The following TNRC6B variants were observed in gnomAD, a reference collection of about 807,000 sequenced individuals.
TNRC6B encodes the protein trinucleotide repeat-containing gene 6B protein.
A neutral mutation model predicts 203.6 loss-of-function variants in TNRC6B; 52 were observed. That is an observed-to-expected ratio of 0.26 (90% CI 0.20 to 0.32). TNRC6B has a LOEUF of 0.32. Ranked by LOEUF, TNRC6B falls within the 10% of genes least tolerant of loss-of-function variation. The pLI is 1.00. For synonymous variants in TNRC6B, 838 were observed against 845.7 expected (o/e 0.99, Z 0.16); for missense variants, 1,923 against 2,286.2 (o/e 0.84, Z 3.24).
At chr22:40,054,889 T>C (rs887689878) in intron 1 of TNRC6B, among the ~76,000 whole-genome samples, 1 of 150,724 alleles carries the variant, frequency 6.6e-6, no homozygotes, top group Admixed American at 6.6e-5. Context: ...AAAAAAAAAT[T>C]AGCTGGTTGT....
chr22:40,233,327 GA>G (rs572778632), intron 1 of TNRC6B, among the ~76,000 whole-genome samples: 1 of 142,032 alleles, frequency 7.0e-6, no homozygotes, highest in East Asian at 2.2e-4. Flanking sequence ...TCACAAAAAA[GA>G]AAAAAAAATT....
Position 40,271,851 on chromosome 22 carries a change from A to G in TNRC6B, c.2965+1571A>G, listed in dbSNP as rs188795580. 3.6e-4 allele frequency among the ~76,000 whole-genome samples: 55 copies of G among 152,338 alleles called. No individual in the cohort carries two copies. In the East Asian group the frequency reaches 8.7e-3, roughly 24 times the overall value. On this transcript the variant is annotated intron_variant, in intron 6 of 22. Coordinates refer to ENST00000454349, the MANE Select transcript of TNRC6B (RefSeq NM_001162501.2). ...AATGTGCGGAAGAAAGGGCTAAACC[A>G]TCATAGTCTACCAGTTGATGGAGAC...
At chr22:40,046,136 G>T (rs968677961) in intron 1 of TNRC6B, among the ~76,000 whole-genome samples, 6 of 152,220 alleles carry the variant, frequency 3.9e-5, no homozygotes, top group African/African-American at 1.2e-4. Flanking sequence ...TTAGCATTTT[G>T]TGAAAGTTTA....
At chr22:40,148,922 C>T (rs1043232244) in intron 3 of TNRC6B, among the ~76,000 whole-genome samples, 5 of 152,088 alleles carry the variant, frequency 3.3e-5, no homozygotes, top group Admixed American at 3.3e-4. Context: ...GGGAACCAAC[C>T]CTGCCAATAC....
At chr22:40,237,104 G>A (rs2069958423) in intron 1 of TNRC6B, among the ~76,000 whole-genome samples, 1 of 152,212 alleles carries the variant, frequency 6.6e-6, no homozygotes. Flanking sequence ...GGCGGAGGCT[G>A]CAGTGAGCTG....
chr22:40,136,406 C>CTT (rs11454583), intron 3 of TNRC6B, among the ~76,000 whole-genome samples: 7 of 108,116 alleles, frequency 6.5e-5, no homozygotes, highest in South Asian at 2.7e-4. Context: ...TGTGTGTATA[C>CTT]TTTTTTTTTT....
intron 1 of TNRC6B, among the ~76,000 whole-genome samples, chr22:40,217,514 C>A (rs1249902387): frequency 3.9e-5 from 6 of 152,188 alleles, no homozygotes; most frequent in Admixed American, 3.9e-4. Context: ...TGGGAAGGGA[C>A]AAACAATGTG....
At chr22:40,204,492 T>G (rs2069454569) in intron 1 of TNRC6B, among the ~76,000 whole-genome samples, 1 of 152,240 alleles carries the variant, frequency 6.6e-6, no homozygotes, top group Non-Finnish European at 1.5e-5. Context: ...GGCTTGACCT[T>G]CTGCTTCCTC....
intron 1 of TNRC6B, among the ~76,000 whole-genome samples, chr22:40,065,541 C>T (rs2067888232): frequency 6.6e-6 from 1 of 152,068 alleles, no homozygotes; most frequent in South Asian, 2.1e-4. Context: ...TAGTTTGTGT[C>T]TTTCTAGGAA....
At chr22:40,307,612 A>T (rs1027971888) in intron 15 of TNRC6B, among the ~76,000 whole-genome samples, 1 of 151,922 alleles carries the variant, frequency 6.6e-6, no homozygotes, top group African/African-American at 2.4e-5. Flanking sequence ...AGCTCTGTGC[A>T]GTGGGAACAC....
At chr22:40,195,260 C>T (rs2069322254) in intron 1 of TNRC6B, among the ~76,000 whole-genome samples, 1 of 152,120 alleles carries the variant, frequency 6.6e-6, no homozygotes, top group African/African-American at 2.4e-5. Flanking sequence ...ATCTTACATG[C>T]CAAGGAAGTT....
chr22:40,160,920 T>C (rs1569002916), intron 4 of TNRC6B, among the ~76,000 whole-genome samples: 1 of 152,224 alleles, frequency 6.6e-6, no homozygotes, highest in African/African-American at 2.4e-5. Context: ...AAATATCTTT[T>C]GTTAGTTTAT....
chr22:40,072,515 C>T (rs983514065), intron 1 of TNRC6B, among the ~76,000 whole-genome samples: 3 of 152,274 alleles, frequency 2.0e-5, no homozygotes, highest in Admixed American at 6.5e-5. Flanking sequence ...AATATGGAAT[C>T]CACATTCTTT....
Position 40,331,677 on chromosome 22 carries a change from A to T in TNRC6B, c.*8436A>T, listed in dbSNP as rs1381770172. ...TTTTTTTTTTTTTTTTTTTCAAAAA[A>T]AAAAGTCCCACATGTGGTCATCGTC... On this transcript the variant is annotated 3_prime_UTR_variant, in exon 23 of 23. Transcript: ENST00000454349. 2 of 366,108 alleles carry T rather than the reference A, an allele frequency of 5.5e-6. No individual in the cohort carries two copies. Among genetic ancestry groups the T allele is most frequent in the Admixed American group, 4.7e-5 (1 of 21,498 alleles). 22.7% of individuals were successfully genotyped at this position (366,108 alleles called of 1,614,324 possible). A position where few individuals can be genotyped will look rare whatever the true frequency, so the allele number is the denominator to read the frequency against.
At chr22:40,219,272 G>T (rs739182) in intron 1 of TNRC6B, among the ~76,000 whole-genome samples, 44,620 of 152,072 alleles carry the variant, frequency 0.29, 7,592 homozygotes, top group South Asian at 0.45. Flanking sequence ...TAAAGAACGA[G>T]TAAGTGCTCC....
rs186636361 is a variant in TNRC6B, at chr22:40,293,300, T to C, written c.3709-7155T>C. Reference sequence around the variant, plus strand: ...AACTCTGCCCCCGGGTTCAAGCAATTCTCCTGCCTCAGCCTCCTAAGTAGT... The same window carrying C: ...AACTCTGCCCCCGGGTTCAAGCAATCCTCCTGCCTCAGCCTCCTAAGTAGT... On this transcript the variant is annotated intron_variant, in intron 12 of 22. Transcript: ENST00000454349. Among the ~76,000 whole-genome samples the C allele has an allele frequency of 2.1e-3, 310 of 145,552 alleles. 1 individual carries two copies. Among genetic ancestry groups the C allele is most frequent in the Admixed American group, 4.4e-3 (59 of 13,454 alleles).
In TNRC6B at chr22:40,300,434, CTTTTT is replaced by C; in HGVS notation, c.3709-19_3709-15del. 1 of 1,519,142 alleles carries C rather than the reference CTTTTT, an allele frequency of 6.6e-7. No homozygotes were observed. Among genetic ancestry groups the C allele is most frequent in the Middle Eastern group, 1.8e-4 (1 of 5,702 alleles). The allele number at this position is 1,519,142 out of a possible 1,614,324, so 94.1% of individuals were successfully genotyped here. On this transcript the variant is annotated splice_polypyrimidine_tract_variant and intron_variant, in intron 12 of 22. Coordinates refer to ENST00000454349, the MANE Select transcript of TNRC6B (RefSeq NM_001162501.2). Reference sequence around the variant, plus strand: ...TCTGAAGATTCCTTTTCTTTTCTTTCTTTTTTATTTTTTTGGCTAGGTTTCTGCCT... The same window carrying C: ...TCTGAAGATTCCTTTTCTTTTCTTTCTATTTTTTTGGCTAGGTTTCTGCCT...
chr22:40,239,280 T>C (rs1190655749), intron 1 of TNRC6B, among the ~76,000 whole-genome samples: 1 of 152,196 alleles, frequency 6.6e-6, no homozygotes, highest in Admixed American at 6.5e-5. Flanking sequence ...CTGGACATCC[T>C]AGTAGAAGAG....
intron 3 of TNRC6B, among the ~76,000 whole-genome samples, chr22:40,152,062 A>G (rs2068762683): frequency 6.6e-6 from 1 of 152,196 alleles, no homozygotes; most frequent in Non-Finnish European, 1.5e-5. Flanking sequence ...ATAAATAAAA[A>G]AAGAACCTTG....
Sources: gnomAD v4.1 joint callset for allele counts (sites outside exome capture counted in the v4.1 genomes callset) on GRCh38, gnomAD v4.1.1 for gene constraint, MANE v1.5 for transcripts, NCBI Gene and HGNC (gene_info 2026-07-23, HGNC 2026-07-21) for gene names.